The following CTR9 variants were observed in gnomAD, a reference collection of about 807,000 sequenced individuals.
CTR9 encodes the protein RNA polymerase-associated protein CTR9 homolog.
Under a neutral mutation model 152.1 loss-of-function variants are expected in CTR9, and 41 were observed. The observed-to-expected ratio is 0.27, with a 90% CI of 0.21 to 0.35. The LOEUF is 0.35. Ranked by LOEUF, CTR9 falls within the 10% of genes least tolerant of loss-of-function variation. The pLI is 1.00. For missense variants in CTR9, 917 were observed against 1,424.4 expected (o/e 0.64, Z 5.73); for synonymous variants, 476 against 496.2 (o/e 0.96, Z 0.54).
At position 10,778,688 on chromosome 11, in the gene CTR9, G is replaced by GAACAGC. The variant is rs1863279623; in HGVS notation, c.3117_3122dup (p.Asn1040_Ser1041dup). On this transcript the variant is annotated inframe_insertion, in exon 25 of 25. Transcript: ENST00000361367. ...TGATCATCTTTGCCAGACATCCCAG[G>GAACAGC]AACAGCAACAGCAACAGTGACTCAG... 4 of 1,609,910 alleles carry GAACAGC rather than the reference G, an allele frequency of 2.5e-6. No homozygotes were observed. Among genetic ancestry groups the GAACAGC allele is most frequent in the Middle Eastern group, 3.3e-4 (2 of 6,046 alleles).
intron 16 of CTR9, among the ~76,000 whole-genome samples, chr11:10,769,712 G>A (rs1177312332): frequency 6.6e-6 from 1 of 152,192 alleles, no homozygotes. Flanking sequence ...TGGTCAAAAA[G>A]TGCTATGTTC....
At chr11:10,759,676 AATAG>A (rs1328772869) in intron 5 of CTR9, among the ~76,000 whole-genome samples, 2 of 152,224 alleles carry the variant, frequency 1.3e-5, no homozygotes, top group African/African-American at 4.8e-5. Flanking sequence ...AGTATTCTTA[AATAG>A]ATAAGAGGGC....
chr11:10,752,536 T>C (rs1862821202), intron 1 of CTR9, 136 bp from the exon 2 acceptor site: 1 of 626,214 alleles, frequency 1.6e-6, no homozygotes, highest in South Asian at 1.9e-5. Flanking sequence ...AACATTAACA[T>C]GGATTAGCTC....
At chr11:10,759,872 A>G (rs1278502173) in intron 5 of CTR9, among the ~76,000 whole-genome samples, 1 of 152,234 alleles carries the variant, frequency 6.6e-6, no homozygotes, top group East Asian at 1.9e-4. Flanking sequence ...TTGTTCTTCA[A>G]TAATGAGAAA....
chr11:10,760,251 C>T lies in CTR9; in HGVS notation c.671C>T (p.Ala224Val). The T allele has an allele frequency of 6.2e-7, 1 of 1,614,034 alleles. No homozygotes were observed. Among genetic ancestry groups the T allele is most frequent in the Non-Finnish European group, 8.5e-7 (1 of 1,179,950 alleles). Residue 224 changes from alanine (A) to valine (V), a missense_variant, in exon 6 of 25, where the codon GCC (alanine) becomes GTC (valine). Physicochemically the swap from Ala to Val is moderately conservative, Grantham distance 64. Coordinates refer to ENST00000361367, the MANE Select transcript of CTR9 (RefSeq NM_014633.5). ...LEKARLAFSR[A>V]LELNSKCVGA... Reference sequence around the variant, plus strand: ...AAAGCTCGTCTGGCATTCAGCAGAGCCCTGGAACTCAATTCCAAATGCGTG... The same window carrying T: ...AAAGCTCGTCTGGCATTCAGCAGAGTCCTGGAACTCAATTCCAAATGCGTG...
intron 5 of CTR9, 137 bp from the exon 6 acceptor site, chr11:10,760,036 A>G: frequency 2.2e-6 from 2 of 893,486 alleles, no homozygotes; most frequent in South Asian, 1.7e-5. Context: ...TGATAGGTCA[A>G]AAGATTCTGT....
At chr11:10,772,229 C>T (rs940688570) in intron 19 of CTR9, among the ~76,000 whole-genome samples, 3 of 151,998 alleles carry the variant, frequency 2.0e-5, no homozygotes, top group African/African-American at 7.2e-5. Flanking sequence ...GTGGTGCACA[C>T]CTGTAATCCC....
chr11:10,770,295 A>G lies in CTR9; in HGVS notation c.2195A>G (p.Lys732Arg). Residue 732 changes from lysine to arginine, a missense_variant, in exon 17 of 25, where the codon AAG (lysine) becomes AGG (arginine). Transcript: ENST00000361367. Reference protein sequence around the residue: ...YLARALFKCGKLQECKQTLLK... With the variant: ...YLARALFKCGRLQECKQTLLK... ...GCCCGGGCCCTCTTCAAGTGTGGCAAGTTACAGGAATGCAAACAGACTTTG... is the reference window on the plus strand; with the variant it reads ...GCCCGGGCCCTCTTCAAGTGTGGCAGGTTACAGGAATGCAAACAGACTTTG... The G allele has an allele frequency of 6.2e-7, 1 of 1,614,036 alleles. No homozygotes were observed. Among genetic ancestry groups the G allele is most frequent in the Non-Finnish European group, 8.5e-7 (1 of 1,179,940 alleles).
At position 10,764,364 on chromosome 11, in the gene CTR9, C is replaced by T. The variant is rs370537659; in HGVS notation, c.1341C>T (p.Ala447=). 10 of 1,613,912 alleles carry T rather than the reference C, an allele frequency of 6.2e-6. No homozygotes were observed. In the Admixed American group the frequency reaches 6.7e-5, roughly 11 times the overall value. Reference sequence around the variant, plus strand: ...GAATCCTTCAGGAGAAAGTGCAGGCCGATGTTCCTCCAGAGATTCTCAATA... The same window carrying T: ...GAATCCTTCAGGAGAAAGTGCAGGCTGATGTTCCTCCAGAGATTCTCAATA... ...ATRILQEKVQ[A]DVPPEILNNV... is the part of the protein sequence containing the mutation. The change falls in exon 11 of 25, where the codon GCC becomes GCT. Residue 447 remains alanine, a synonymous_variant. Coordinates refer to ENST00000361367, the MANE Select transcript of CTR9 (RefSeq NM_014633.5).
chr11:10,752,834 C>T (rs191895699), intron 2 of CTR9, 64 bp downstream of exon 2: 1 of 1,309,720 alleles, frequency 7.6e-7, no homozygotes, highest in Admixed American at 1.7e-5. Flanking sequence ...TTTCTGTTTT[C>T]AGATATAGTA....
intron 12 of CTR9, among the ~76,000 whole-genome samples, chr11:10,765,603 A>G (rs1390251886): frequency 6.6e-6 from 1 of 152,112 alleles, no homozygotes; most frequent in Non-Finnish European, 1.5e-5. Flanking sequence ...TTGGGATTAC[A>G]GGGGCCCACG....
chr11:10,767,058 A>G lies in CTR9; in HGVS notation c.1686+568A>G, dbSNP rs539898513. On this transcript the variant is annotated intron_variant, in intron 13 of 24. Transcript: ENST00000361367. The surrounding 1 kb of genome is among the most constrained non-coding windows in gnomAD (Gnocchi z 4.0). Reference sequence around the variant, plus strand: ...TTTATTCCATTCTGTTGCATTTACTATGCAGATAACTAAAGACTAACTAAA... The same window carrying G: ...TTTATTCCATTCTGTTGCATTTACTGTGCAGATAACTAAAGACTAACTAAA... 6.5e-6 allele frequency: 1 copy of G among 152,774 alleles called. No individual in the cohort carries two copies. The highest frequency in any genetic ancestry group is 2.4e-5 in the African/African-American group (1 of 41,596). 9.5% of individuals were successfully genotyped at this position (152,774 alleles called of 1,614,324 possible).
At chr11:10,761,734 G>A (rs1862981447) in intron 6 of CTR9, among the ~76,000 whole-genome samples, 1 of 151,982 alleles carries the variant, frequency 6.6e-6, no homozygotes, top group Non-Finnish European at 1.5e-5. Flanking sequence ...AAAATAAAAA[G>A]GGGAAAAAAG....
chr11:10,752,743 A>G lies in CTR9; in HGVS notation c.117A>G (p.Thr39=), dbSNP rs540034855. Residue 39 remains threonine, a synonymous_variant, in exon 2 of 25, where the codon ACA becomes ACG. Transcript: ENST00000361367. ...EVISILKQEH[T]QLHIWIALAL... is the part of the protein sequence containing the mutation. ...TCAGTATTCTGAAACAGGAACACACACAACTGCACATATGGATTGCTTTGG... is the reference window on the plus strand; with the variant it reads ...TCAGTATTCTGAAACAGGAACACACGCAACTGCACATATGGATTGCTTTGG... The G allele has an allele frequency of 1.9e-6, 3 of 1,613,918 alleles. No individual in the cohort carries two copies. Among genetic ancestry groups the G allele is most frequent in the South Asian group, 2.2e-5 (2 of 91,082 alleles).
At position 10,775,266 on chromosome 11, in the gene CTR9, A is replaced by G. The variant is rs1863213800; in HGVS notation, c.2945A>G (p.Lys982Arg). Residue 982 changes from lysine (K) to arginine (R), a missense_variant, in exon 23 of 25, where the codon AAA becomes AGA. Lys to Arg is a conservative substitution (Grantham distance 26). This residue lies in a region of CTR9 where 384 missense variants were observed against 398.4 expected (regional missense o/e 0.96). Transcript: ENST00000361367. ...GAAACAGAAAATGGCCCCAAACCAA[A>G]AAAACGACGTCCACCAAAAGCAGAG... The part of the protein sequence containing the change: ...DDETENGPKP[K>R]KRRPPKAEKK... 1 of 1,614,044 alleles carries G rather than the reference A, an allele frequency of 6.2e-7. No individual in the cohort carries two copies. The highest frequency in any genetic ancestry group is 1.3e-5 in the African/African-American group (1 of 74,938).
Position 10,760,280 on chromosome 11 carries a change from G to A in CTR9, c.700G>A (p.Ala234Thr), listed in dbSNP as rs1862956073. The A allele has an allele frequency of 1.9e-6, 3 of 1,613,904 alleles. No individual in the cohort carries two copies. Among genetic ancestry groups the A allele is most frequent in the Non-Finnish European group, 2.5e-6 (3 of 1,179,930 alleles). Residue 234 changes from alanine (A) to threonine (T), a missense_variant, in exon 6 of 25, where the codon GCA (alanine) becomes ACA (threonine). Physicochemically the swap from Ala to Thr is moderately conservative, Grantham distance 58. Around this residue, in one of 9 missense-constraint regions of CTR9, gnomAD observed 110 missense variants for 149.5 expected, o/e 0.74. Coordinates refer to ENST00000361367, the MANE Select transcript of CTR9 (RefSeq NM_014633.5). ...GGAACTCAATTCCAAATGCGTGGGA[G>A]CATTGGTTGGACTGGCTGTTCTAGA... is the stretch of plus-strand genomic sequence containing the variant. ...ALELNSKCVG[A>T]LVGLAVLELN... is the part of the protein sequence containing the mutation.
At chr11:10,775,083 G>A (rs1039514887) in intron 22 of CTR9, 124 bp from the exon 23 acceptor site, 1 of 723,618 alleles carries the variant, frequency 1.4e-6, no homozygotes, top group Non-Finnish European at 2.3e-6. Context: ...GGAGTGTACA[G>A]TATGATTGAG....
At chr11:10,753,764 A>T (rs1202784064) in intron 2 of CTR9, among the ~76,000 whole-genome samples, 1 of 151,518 alleles carries the variant, frequency 6.6e-6, no homozygotes, top group African/African-American at 2.4e-5. Context: ...ATATTGGAGG[A>T]TTAGCATGGC....
At position 10,764,347 on chromosome 11, in the gene CTR9, C is replaced by G. The variant is rs1418964524; in HGVS notation, c.1324C>G (p.Gln442Glu). Residue 442 changes from glutamine to glutamate, a missense_variant, in exon 11 of 25, where the codon CAG becomes GAG. By Grantham distance (29) the Gln-to-Glu change is conservative. Coordinates refer to ENST00000361367, the MANE Select transcript of CTR9 (RefSeq NM_014633.5). ...CTATGGAACAGCAACACGAATCCTT[C>G]AGGAGAAAGTGCAGGCCGATGTTCC... is the stretch of plus-strand genomic sequence containing the variant. ...SAYGTATRIL[Q>E]EKVQADVPPE... is the part of the protein sequence containing the mutation. The G allele has an allele frequency of 6.2e-7, 1 of 1,613,994 alleles. No homozygotes were observed. Among genetic ancestry groups the G allele is most frequent in the African/African-American group, 1.3e-5 (1 of 74,908 alleles).
Sources: allele counts gnomAD v4.1 joint callset (sites outside exome capture counted in the v4.1 genomes callset), GRCh38; gene constraint gnomAD v4.1.1; regional missense constraint gnomAD v4.1.1; non-coding constraint Gnocchi (gnomAD v3.1); transcripts MANE v1.5; gene names NCBI Gene and HGNC (gene_info 2026-07-23, HGNC 2026-07-21).